The following EPB41L2 variants were observed in gnomAD, a reference collection of about 807,000 sequenced individuals.
EPB41L2 encodes erythrocyte membrane protein band 4.1 like 2.
Under a neutral mutation model 113.0 loss-of-function variants are expected in EPB41L2, and 43 were observed. The ratio of observed to expected loss-of-function variants is 0.38; its 90% confidence interval spans 0.30 to 0.49. The LOEUF (loss-of-function observed/expected upper bound fraction) is 0.49, where lower values mean the gene tolerates loss of function less well. Ranked by LOEUF, EPB41L2 falls within the 20% of genes least tolerant of loss-of-function variation. EPB41L2 has a pLI of 0.95. For synonymous variants in EPB41L2, 442 were observed against 436.7 expected (o/e 1.01, Z -0.15); for missense variants, 1,147 against 1,223.4 (o/e 0.94, Z 0.93).
chr6:131,030,535 A>G (rs1791926406), intron 1 of EPB41L2, among the ~76,000 whole-genome samples: 1 of 152,212 alleles, frequency 6.6e-6, no homozygotes, highest in Non-Finnish European at 1.5e-5. Flanking sequence ...TAGATCCTCA[A>G]ATAGTAACTC....
chr6:130,867,486 G>C lies in EPB41L2; in HGVS notation c.2703C>G (p.Thr901=), dbSNP rs138782948. The C allele has an allele frequency of 1.7e-4, 272 of 1,613,850 alleles. 1 individual carries two copies. Among genetic ancestry groups the C allele is most frequent in the Non-Finnish European group, 2.2e-4 (260 of 1,179,904 alleles). The stretch of plus-strand genomic sequence containing the variant: ...GTGGAGACTCATATGTGATGGTTTT[G>C]GTCTCAGTTTGGACAATGGGGACTT... The part of the protein sequence containing the change: ...TKEVPIVQTE[T]KTITYESPQI... The change falls in exon 16 of 20, where the codon ACC becomes ACG. Residue 901 remains threonine, a synonymous_variant. Coordinates refer to ENST00000337057, the MANE Select transcript of EPB41L2 (RefSeq NM_001431.4).
chr6:130,850,722 A>C (rs1358333768), intron 19 of EPB41L2, among the ~76,000 whole-genome samples: 2 of 152,328 alleles, frequency 1.3e-5, no homozygotes, highest in East Asian at 3.9e-4. Context: ...AAAAACAATA[A>C]AGATAGTTTC....
intron 4 of EPB41L2, among the ~76,000 whole-genome samples, chr6:130,924,022 G>A (rs1021107855): frequency 5.1e-4 from 78 of 151,994 alleles, no homozygotes; most frequent in African/African-American, 1.8e-3. Flanking sequence ...TCTACTCTTT[G>A]TTTCTATGAG....
intron 4 of EPB41L2, among the ~76,000 whole-genome samples, chr6:130,922,553 C>T (rs985215218): frequency 7.9e-5 from 12 of 152,152 alleles, no homozygotes; most frequent in Non-Finnish European, 1.8e-4. Context: ...CATTTATTGG[C>T]TAGGTGACCT....
intron 3 of EPB41L2, among the ~76,000 whole-genome samples, chr6:130,936,206 G>C (rs1207506992): frequency 6.6e-6 from 1 of 152,128 alleles, no homozygotes; most frequent in Admixed American, 6.5e-5. Context: ...ATCTTCATTT[G>C]CTCTAAGTAA....
chr6:130,985,432 C>T (rs570765674), intron 1 of EPB41L2, among the ~76,000 whole-genome samples: 5 of 152,184 alleles, frequency 3.3e-5, no homozygotes, highest in East Asian at 1.9e-4. Flanking sequence ...TTCTTGGGTG[C>T]GCGACAAGAA....
intron 5 of EPB41L2, 152 bp from the exon 6 acceptor site, chr6:130,904,692 T>A (rs1420329543): frequency 2.7e-6 from 1 of 364,668 alleles, no homozygotes; most frequent in African/African-American, 2.1e-5. Context: ...TAAAATTGTT[T>A]ATAAAATAAA....
At chr6:130,895,251 G>T in intron 8 of EPB41L2, 132 bp from the exon 9 acceptor site, 1 of 985,574 alleles carries the variant, frequency 1.0e-6, no homozygotes. Context: ...TTAGTGACAA[G>T]TACGCACGTT....
chr6:130,951,392 T>C (rs1815022736), intron 3 of EPB41L2, among the ~76,000 whole-genome samples: 1 of 138,930 alleles, frequency 7.2e-6, no homozygotes, highest in Non-Finnish European at 1.5e-5. Flanking sequence ...TGGCGCAACC[T>C]TGGCTCACTG....
chr6:130,977,156 A>AG, intron 1 of EPB41L2, among the ~76,000 whole-genome samples: 1 of 152,348 alleles, frequency 6.6e-6, no homozygotes, highest in African/African-American at 2.4e-5. Flanking sequence ...ATAAAACAAA[A>AG]GCACCTACCA....
chr6:130,839,691 G>A lies in EPB41L2; in HGVS notation c.*913C>T, dbSNP rs1287301128. The A allele has an allele frequency of 1.3e-5, 2 of 152,132 alleles. No homozygotes were observed. The highest frequency in any genetic ancestry group is 2.4e-5 in the African/African-American group (1 of 41,418). 9.4% of individuals were successfully genotyped at this position (152,132 alleles called of 1,614,324 possible). A position where few individuals can be genotyped will look rare whatever the true frequency, so the allele number is the denominator to read the frequency against. ...TGTAGACAAAGAGGTTTAATACAAA[G>A]CAAGAGTTCTACCCAAGTGTTCAAA... On this transcript the variant is annotated 3_prime_UTR_variant, in exon 20 of 20. Coordinates refer to ENST00000337057, the MANE Select transcript of EPB41L2 (RefSeq NM_001431.4).
At chr6:130,960,701 A>G (rs1434692063) in intron 1 of EPB41L2, among the ~76,000 whole-genome samples, 1 of 152,232 alleles carries the variant, frequency 6.6e-6, no homozygotes, top group Non-Finnish European at 1.5e-5. Flanking sequence ...CTTTGTTGAT[A>G]AAATGGCTTC....
intron 11 of EPB41L2, among the ~76,000 whole-genome samples, chr6:130,887,990 C>T (rs1472473378): frequency 6.6e-6 from 1 of 152,074 alleles, no homozygotes; most frequent in Non-Finnish European, 1.5e-5. Context: ...TTGAATCCCA[C>T]TTTTCACTTG....
chr6:130,952,244 T>C (rs1815392202), intron 3 of EPB41L2, among the ~76,000 whole-genome samples: 1 of 151,836 alleles, frequency 6.6e-6, no homozygotes, highest in Admixed American at 6.6e-5. Context: ...TTTGGCAATA[T>C]CTGGGGAAAC....
intron 1 of EPB41L2, among the ~76,000 whole-genome samples, chr6:131,035,862 A>C (rs1242677719): frequency 1.3e-5 from 2 of 152,230 alleles, no homozygotes; most frequent in Non-Finnish European, 2.9e-5. Context: ...TTATTACTAC[A>C]AGAGAAAGCA....
chr6:131,024,160 A>AC (rs1790284648), intron 1 of EPB41L2, among the ~76,000 whole-genome samples: 1 of 152,020 alleles, frequency 6.6e-6, no homozygotes, highest in Admixed American at 6.6e-5. Flanking sequence ...CAGAATGAAC[A>AC]CTTTTTTTTT....
intron 1 of EPB41L2, among the ~76,000 whole-genome samples, chr6:131,059,864 G>T (rs1798331050): frequency 3.3e-5 from 5 of 152,094 alleles, no homozygotes; most frequent in Admixed American, 2.6e-4. Context: ...CAGTAATTCT[G>T]AATCTGAAAA....
chr6:131,058,799 T>C (rs960308845), intron 1 of EPB41L2, among the ~76,000 whole-genome samples: 6 of 152,136 alleles, frequency 3.9e-5, no homozygotes, highest in African/African-American at 1.4e-4. Flanking sequence ...GTGGATCACT[T>C]GAGGTCAGGA....
Position 130,885,214 on chromosome 6 carries a change from C to A in EPB41L2, c.1715G>T (p.Gly572Val), listed in dbSNP as rs941444509. 1.2e-6 allele frequency: 2 copies of A among 1,614,008 alleles called. No individual in the cohort carries two copies. The highest frequency in any genetic ancestry group is 2.7e-5 in the African/African-American group (2 of 74,910). Residue 572 changes from glycine (G) to valine (V), a missense_variant, in exon 12 of 20, where the codon GGG (glycine) becomes GTG (valine). Coordinates refer to ENST00000337057, the MANE Select transcript of EPB41L2 (RefSeq NM_001431.4). ...TCCAGGTCCATAGGCTGAAATCTCC[C>A]CAGCAGCGCCAGGAAAATCCTTCAT... ...SLMKDFPGAA[G>V]EISAYGPGLV...
Sources: gnomAD v4.1 joint callset for allele counts (sites outside exome capture counted in the v4.1 genomes callset) on GRCh38, gnomAD v4.1.1 for gene constraint, MANE v1.5 for transcripts, NCBI Gene and HGNC (gene_info 2026-07-23, HGNC 2026-07-21) for gene names.